The following FOXP2 variants were observed in gnomAD, a reference collection of about 807,000 sequenced individuals.
FOXP2 encodes forkhead box protein P2.
In FOXP2, 12 loss-of-function variants were observed where a neutral mutation model predicts 115.8. The ratio of observed to expected loss-of-function variants is 0.10; its 90% confidence interval spans 0.07 to 0.17. FOXP2 has a LOEUF of 0.17. Ranked by LOEUF, FOXP2 falls within the 10% of genes least tolerant of loss-of-function variation. FOXP2 has a pLI of 1.00. For synonymous variants in FOXP2, 328 were observed against 297.7 expected, an observed-to-expected ratio of 1.10 and a Z score of -1.05; for missense variants, 629 against 843.5, an observed-to-expected ratio of 0.75 and a Z score of 3.15.
chr7:114,688,180 A>G (rs1184934978), intron 16 of FOXP2, among the ~76,000 whole-genome samples: 1 of 135,968 alleles, frequency 7.4e-6, no homozygotes, highest in African/African-American at 2.8e-5. Flanking sequence ...CTCTCCTACA[A>G]ACACACACAA....
intron 2 of FOXP2, among the ~76,000 whole-genome samples, chr7:114,443,584 T>C (rs898015290): frequency 5.9e-5 from 9 of 152,136 alleles, no homozygotes; most frequent in Non-Finnish European, 1.3e-4. Context: ...TCCCACCCTC[T>C]ATCTCAAGTA....
chr7:114,392,387 A>C (rs576344036), intron 2 of FOXP2, among the ~76,000 whole-genome samples: 1 of 152,330 alleles, frequency 6.6e-6, no homozygotes, highest in African/African-American at 2.4e-5. Context: ...AGTGTTGCCA[A>C]GAACAGTCGT....
chr7:114,514,950 G>A lies in FOXP2; in HGVS notation c.169-19667G>A, dbSNP rs556133943. Among the ~76,000 whole-genome samples the A allele has an allele frequency of 2.7e-5, 4 of 148,874 alleles. No individual in the cohort carries two copies. In the South Asian group the frequency reaches 6.3e-4, roughly 24 times the overall value. ...TTCTCATTGTTCAATTCCCACCTAT[G>A]AGTGAGAATATGCGGTGTTTGGTTT... On this transcript the variant is annotated intron_variant, in intron 2 of 16. Coordinates refer to ENST00000350908, the MANE Select transcript of FOXP2 (RefSeq NM_014491.4).
chr7:114,538,261 C>T (rs1305389999), intron 3 of FOXP2: 18 of 1,133,238 alleles, frequency 1.6e-5, no homozygotes, highest in Non-Finnish European at 1.2e-6. Flanking sequence ...TAGCCTATGA[C>T]AAATCTACTT....
intron 1 of FOXP2, among the ~76,000 whole-genome samples, chr7:114,137,448 G>A (rs1792069781): frequency 6.6e-6 from 1 of 152,132 alleles, no homozygotes; most frequent in Non-Finnish European, 1.5e-5. Context: ...GATGAGTAGA[G>A]AGACATACTT....
chr7:114,362,214 T>G (rs1010110602), intron 2 of FOXP2, among the ~76,000 whole-genome samples: 4 of 152,002 alleles, frequency 2.6e-5, no homozygotes, highest in African/African-American at 9.7e-5. Context: ...AACGTAAGAC[T>G]GATGTAAGCT....
chr7:114,116,361 A>G (rs546209538), intron 1 of FOXP2, among the ~76,000 whole-genome samples: 9 of 152,300 alleles, frequency 5.9e-5, no homozygotes, highest in African/African-American at 2.2e-4. Flanking sequence ...CTTTACTTTT[A>G]ACCCATTTCT....
intron 3 of FOXP2, among the ~76,000 whole-genome samples, chr7:114,624,684 T>C (rs1016203662): frequency 4.6e-5 from 7 of 151,904 alleles, no homozygotes; most frequent in East Asian, 1.9e-4. Flanking sequence ...AACAGAGATA[T>C]GATCTTTGCA....
At chr7:114,267,466 T>C (rs1435296399) in intron 1 of FOXP2, among the ~76,000 whole-genome samples, 1 of 152,022 alleles carries the variant, frequency 6.6e-6, no homozygotes, top group African/African-American at 2.4e-5. Context: ...CAGTGGCTCA[T>C]GCCTGTAATC....
intron 2 of FOXP2, among the ~76,000 whole-genome samples, chr7:114,339,015 A>G (rs1791128940): frequency 6.6e-6 from 1 of 151,084 alleles, no homozygotes; most frequent in Non-Finnish European, 1.5e-5. Flanking sequence ...CCCATATTCC[A>G]GATGTTTTAT....
intron 3 of FOXP2, among the ~76,000 whole-genome samples, chr7:114,542,370 A>G (rs1015191754): frequency 6.6e-6 from 1 of 152,186 alleles, no homozygotes; most frequent in Non-Finnish European, 1.5e-5. Flanking sequence ...AGTATCTAAT[A>G]TTTAATTCTT....
rs1473109493 is a variant in FOXP2 at position 114,176,174 on chromosome 7, CTCTTT to C, written c.-102+13091_-102+13095del. On this transcript the variant is annotated intron_variant, in intron 1 of 17. Transcript: ENST00000634411. ...ACATTGATCCACACAGGTTTGATTTCTCTTTTCTTGTCTTGTCTTGTCTTGTCTTG... is the reference window on the plus strand; with the variant it reads ...ACATTGATCCACACAGGTTTGATTTCTCTTGTCTTGTCTTGTCTTGTCTTG... Among the ~76,000 whole-genome samples the C allele has an allele frequency of 8.1e-4, 111 of 136,492 alleles. 3 individuals carry two copies. Among genetic ancestry groups the C allele is most frequent in the South Asian group, 4.1e-3 (16 of 3,860 alleles). The allele number at this position is 136,492 out of a possible 152,430, so 89.5% of individuals were successfully genotyped here.
intron 2 of FOXP2, among the ~76,000 whole-genome samples, chr7:114,356,750 A>T (rs80082024): frequency 0.012 from 1,808 of 152,292 alleles, 23 homozygotes; most frequent in African/African-American, 0.032. Context: ...CTAAGGAATG[A>T]TAATTATTAT....
chr7:114,400,012 G>T (rs1449908282), intron 2 of FOXP2, among the ~76,000 whole-genome samples: 1 of 151,492 alleles, frequency 6.6e-6, no homozygotes, highest in South Asian at 2.1e-4. Context: ...GCCTGGTACC[G>T]CACCTGGCTA....
At chr7:114,431,426 A>AT (rs1794104964) in intron 2 of FOXP2, among the ~76,000 whole-genome samples, 1 of 151,908 alleles carries the variant, frequency 6.6e-6, no homozygotes, top group Non-Finnish European at 1.5e-5. Flanking sequence ...AATGACAGGC[A>AT]TTTTTCTGGG....
chr7:114,104,115 A>T (rs1300751829), intron 1 of FOXP2, among the ~76,000 whole-genome samples: 1 of 151,772 alleles, frequency 6.6e-6, no homozygotes, highest in East Asian at 1.9e-4. Context: ...CCTTTTTATG[A>T]TGGTGTACTT....
chr7:114,106,922 T>C (rs1791133929), intron 1 of FOXP2, among the ~76,000 whole-genome samples: 1 of 152,072 alleles, frequency 6.6e-6, no homozygotes, highest in African/African-American at 2.4e-5. Flanking sequence ...CTCATAGTTA[T>C]AATCAAATCT....
chr7:114,611,972 A>C (rs1803652585), intron 3 of FOXP2, among the ~76,000 whole-genome samples: 1 of 152,174 alleles, frequency 6.6e-6, no homozygotes, highest in African/African-American at 2.4e-5. Flanking sequence ...ATAAAAATGA[A>C]AAATAATTTA....
At chr7:114,458,274 T>G (rs1222803993) in intron 2 of FOXP2, among the ~76,000 whole-genome samples, 2 of 152,138 alleles carry the variant, frequency 1.3e-5, no homozygotes, top group Non-Finnish European at 2.9e-5. Flanking sequence ...AGAATTGATA[T>G]CGATAACCTT....
Sources: allele counts gnomAD v4.1 joint callset (sites outside exome capture counted in the v4.1 genomes callset), GRCh38; gene constraint gnomAD v4.1.1; transcripts MANE v1.5; gene names NCBI Gene and HGNC (gene_info 2026-07-23, HGNC 2026-07-21).